The following ZNF627 variants were observed in gnomAD, a reference collection of about 807,000 sequenced individuals.
The protein encoded by ZNF627 is zinc finger protein 627.
A neutral mutation model predicts 10.6 loss-of-function variants in ZNF627; 12 were observed. The ratio of observed to expected loss-of-function variants is 1.13; its 90% CI spans 0.73 to 1.84. The LOEUF is 1.84. Among genes scored for constraint, ZNF627 ranks in the 40% most tolerant of loss-of-function variants. The probability of loss-of-function intolerance (pLI) is 0.00; values close to 1 mark genes in which losing one functional copy is unlikely to be tolerated. For missense variants in ZNF627, 504 were observed against 568.4 expected (o/e 0.89, Z 1.15); for synonymous variants, 176 against 187.1 (o/e 0.94, Z 0.48).
At chr19:11,612,601 A>G (rs1438960391) in intron 1 of ZNF627, among the ~76,000 whole-genome samples, 1 of 149,952 alleles carries the variant, frequency 6.7e-6, no homozygotes, top group Non-Finnish European at 1.5e-5. Flanking sequence ...TTGTATTTTT[A>G]GTAGAGATGG....
At chr19:11,602,989 C>CA in intron 1 of ZNF627, among the ~76,000 whole-genome samples, 1 of 152,272 alleles carries the variant, frequency 6.6e-6, no homozygotes, top group South Asian at 2.1e-4. Flanking sequence ...ACCAGGTCCT[C>CA]ATTTTTAAAA....
rs760090136 is a variant in ZNF627 at position 11,614,552 on chromosome 19, C to T, written c.29C>T (p.Ala10Val). 2.3e-5 allele frequency: 37 copies of T among 1,613,780 alleles called. No homozygotes were observed. The highest frequency in any genetic ancestry group is 3.3e-4 in the Middle Eastern group (2 of 6,084). The change falls in exon 2 of 4, where the codon GCT becomes GTT. Residue 10 changes from alanine to valine, a missense_variant. Coordinates refer to ENST00000361113, the MANE Select transcript of ZNF627 (RefSeq NM_145295.4). MDSVAFEDV[A>V]VNFTLEEWAL... is the part of the protein sequence containing the mutation. ...GATTCAGTGGCCTTTGAGGATGTGGCTGTGAACTTCACCCTGGAGGAGTGG... is the reference window on the plus strand; with the variant it reads ...GATTCAGTGGCCTTTGAGGATGTGGTTGTGAACTTCACCCTGGAGGAGTGG...
chr19:11,599,727 G>A (rs868582256), intron 1 of ZNF627, among the ~76,000 whole-genome samples: 1 of 152,110 alleles, frequency 6.6e-6, no homozygotes, highest in Admixed American at 6.6e-5. Context: ...CCAACATGGC[G>A]AAACCCTGTC....
intron 1 of ZNF627, among the ~76,000 whole-genome samples, chr19:11,613,226 T>G (rs1973809990): frequency 1.6e-5 from 1 of 62,650 alleles, no homozygotes; most frequent in Non-Finnish European, 3.1e-5. Context: ...CCCAGCATGG[T>G]CTTGACCTCT....
chr19:11,617,880 T>A lies in ZNF627; in HGVS notation c.1377T>A (p.Val459=), dbSNP rs747180323. The change falls in exon 4 of 4, where the codon GTT becomes GTA. Residue 459 remains valine, a synonymous_variant. Coordinates refer to ENST00000361113, the MANE Select transcript of ZNF627 (RefSeq NM_145295.4). The part of the protein sequence containing the change: ...NPNPNASVVP[V]LS ...ACCCTAACGCTTCAGTTGTCCCAGT[T>A]CTTTCATGAGCATGAAAGGAGTCAC... 4 of 1,535,114 alleles carry A rather than the reference T, an allele frequency of 2.6e-6. No individual in the cohort carries two copies. In the South Asian group the frequency reaches 5.2e-5, roughly 20 times the overall value.
chr19:11,607,198 G>A (rs1166391435), intron 1 of ZNF627, among the ~76,000 whole-genome samples: 23 of 152,098 alleles, frequency 1.5e-4, no homozygotes, highest in East Asian at 7.7e-4. Context: ...GTGCAATGGC[G>A]CAATCTTGGC....
intron 1 of ZNF627, among the ~76,000 whole-genome samples, chr19:11,609,225 C>G (rs1973723488): frequency 1.3e-5 from 2 of 151,932 alleles, no homozygotes; most frequent in African/African-American, 4.8e-5. Context: ...CCATCTTAAG[C>G]ATTTTTGTGT....
At chr19:11,612,890 T>C (rs183485321) in intron 1 of ZNF627, among the ~76,000 whole-genome samples, 35 of 151,858 alleles carry the variant, frequency 2.3e-4, no homozygotes, top group Admixed American at 2.2e-3. Flanking sequence ...TAGTATCTGA[T>C]AGGTTTCTTT....
intron 3 of ZNF627, 55 bp from the exon 4 acceptor site, chr19:11,616,640 A>G: frequency 8.2e-7 from 1 of 1,214,194 alleles, no homozygotes; most frequent in Non-Finnish European, 1.1e-6. Context: ...ATTAATAAAT[A>G]TAAAATCATT....
rs563535191 is a variant in ZNF627, at chr19:11,608,811, C to T, written c.4-5716C>T. Among the ~76,000 whole-genome samples the T allele has an allele frequency of 8.5e-5, 13 of 152,116 alleles. No homozygotes were observed. In the South Asian group the frequency reaches 2.7e-3, roughly 32 times the overall value. ...GGATTACAGGTGTGTTCCAGCATGC[C>T]CAGCCAATTTTGCCCATTTTCTAAT... On this transcript the variant is annotated intron_variant, in intron 1 of 3. Transcript: ENST00000361113.
chr19:11,616,681 A>G lies in ZNF627; in HGVS notation c.192-14A>G. 1 of 1,518,468 alleles carries G rather than the reference A, an allele frequency of 6.6e-7. No homozygotes were observed. The highest frequency in any genetic ancestry group is 8.9e-7 in the Non-Finnish European group (1 of 1,128,130). 94.1% of individuals were successfully genotyped at this position (1,518,468 alleles called of 1,614,324 possible). A position where few individuals can be genotyped will look rare whatever the true frequency, so the allele number is the denominator to read the frequency against. On this transcript the variant is annotated splice_polypyrimidine_tract_variant and intron_variant, in intron 3 of 3. Coordinates refer to ENST00000361113, the MANE Select transcript of ZNF627 (RefSeq NM_145295.4). ...ACAAAACATTAATAATGTACTTCTC[A>G]TTTTTCTGACAAGTCATATTCCAGA...
chr19:11,601,687 G>GT (rs1355929668), intron 1 of ZNF627, among the ~76,000 whole-genome samples: 60 of 152,072 alleles, frequency 3.9e-4, no homozygotes, highest in South Asian at 1.0e-3. Context: ...ATAATCGAAA[G>GT]GGGAGAAGGC....
chr19:11,607,512 C>T lies in ZNF627; in HGVS notation c.4-7015C>T, dbSNP rs190507242. Among the ~76,000 whole-genome samples, 206 of 152,260 alleles carry T rather than the reference C, an allele frequency of 1.4e-3. 2 individuals carry two copies. Among genetic ancestry groups the T allele is most frequent in the African/African-American group, 4.8e-3 (199 of 41,564 alleles). On this transcript the variant is annotated intron_variant, in intron 1 of 3. Transcript: ENST00000361113. ...TTCTGTCACCTCTTGAATGCTTTGC[C>T]GCTTAGCAGTTTCTTCCACCAGATA...
At chr19:11,614,292 A>G (rs553540872) in intron 1 of ZNF627, among the ~76,000 whole-genome samples, 2 of 152,156 alleles carry the variant, frequency 1.3e-5, no homozygotes, top group Admixed American at 6.6e-5. Context: ...CAGGCAGTAC[A>G]TACTTCTCCC....
In ZNF627 at chr19:11,614,564, C is replaced by T. The variant is rs750163327; in HGVS notation, c.41C>T (p.Thr14Ile). ...TTTGAGGATGTGGCTGTGAACTTCA[C>T]CCTGGAGGAGTGGGCTTTGCTGGAT... ...VAFEDVAVNF[T>I]LEEWALLDPS... The change falls in exon 2 of 4, where the codon ACC (threonine) becomes ATC (isoleucine). Residue 14 changes from threonine (T) to isoleucine (I), a missense_variant. Transcript: ENST00000361113. 6.2e-7 allele frequency: 1 copy of T among 1,613,910 alleles called. No individual in the cohort carries two copies. Among genetic ancestry groups the T allele is most frequent in the Non-Finnish European group, 8.5e-7 (1 of 1,179,974 alleles).
chr19:11,607,951 A>G (rs954450185), intron 1 of ZNF627, among the ~76,000 whole-genome samples: 1 of 152,166 alleles, frequency 6.6e-6, no homozygotes, highest in African/African-American at 2.4e-5. Context: ...AATTTACTAT[A>G]TTAGTCCATT....
chr19:11,610,196 GA>G (rs1470992211), intron 1 of ZNF627, among the ~76,000 whole-genome samples: 1 of 151,916 alleles, frequency 6.6e-6, no homozygotes, highest in Non-Finnish European at 1.5e-5. Flanking sequence ...TCTGAGCCCA[GA>G]AAAGGTCTTT....
chr19:11,613,481 C>T (rs2145137195), intron 1 of ZNF627, among the ~76,000 whole-genome samples: 1 of 144,826 alleles, frequency 6.9e-6, no homozygotes, highest in East Asian at 2.0e-4. Flanking sequence ...ATGACTGGAT[C>T]CCCTGGATTT....
Position 11,617,003 on chromosome 19 carries a change from A to G in ZNF627, c.500A>G (p.Tyr167Cys), listed in dbSNP as rs780898273. Residue 167 changes from tyrosine to cysteine, a missense_variant, in exon 4 of 4, where the codon TAT (tyrosine) becomes TGT (cysteine). Physicochemically the swap from Tyr to Cys is radical, Grantham distance 194. Transcript: ENST00000361113. The part of the protein sequence containing the change: ...RERTHPGGKP[Y>C]DCKECGETFI... ...AGGACTCATCCTGGAGGAAAGCCCT[A>G]TGATTGTAAGGAATGTGGAGAAACC... is the stretch of plus-strand genomic sequence containing the variant. 34 of 1,614,052 alleles carry G rather than the reference A, an allele frequency of 2.1e-5. No individual in the cohort carries two copies. The highest frequency in any genetic ancestry group is 5.3e-5 in the African/African-American group (4 of 74,948).
Sources: allele counts gnomAD v4.1 joint callset (sites outside exome capture counted in the v4.1 genomes callset), GRCh38; gene constraint gnomAD v4.1.1; transcripts MANE v1.5; gene names NCBI Gene and HGNC (gene_info 2026-07-23, HGNC 2026-07-21).